The following USP7 variants were observed in gnomAD, a reference collection of about 807,000 sequenced individuals.
USP7 encodes ubiquitin C-terminal hydrolase 7.
In USP7, 9 loss-of-function variants were observed where a neutral mutation model predicts 162.9. That is an observed-to-expected ratio of 0.06 (90% CI 0.03 to 0.10). The LOEUF (loss-of-function observed/expected upper bound fraction) is 0.10. Ranked by LOEUF, USP7 falls within the 10% of genes least tolerant of loss-of-function variation. The pLI is 1.00. For synonymous variants in USP7, 562 were observed against 475.9 expected, an observed-to-expected ratio of 1.18 and a Z score of -2.35; for missense variants, 715 against 1,373.7, an observed-to-expected ratio of 0.52 and a Z score of 7.58.
chr16:8,924,805 C>T (rs1309308696), intron 2 of USP7, among the ~76,000 whole-genome samples: 1 of 152,228 alleles, frequency 6.6e-6, no homozygotes, highest in African/African-American at 2.4e-5. Context: ...TGACGGTAAG[C>T]ACTTCTACCT....
intron 22 of USP7, 94 bp from the exon 23 acceptor site, chr16:8,899,282 C>G (rs1310560136): frequency 8.0e-7 from 1 of 1,257,056 alleles, no homozygotes; most frequent in Non-Finnish European, 1.1e-6. Context: ...CCATGAGCAG[C>G]CTGAATTTAA....
chr16:8,923,127 A>T (rs1296424204), intron 3 of USP7, 88 bp downstream of exon 3: 1 of 979,948 alleles, frequency 1.0e-6, no homozygotes, highest in Non-Finnish European at 1.5e-6. Flanking sequence ...TTTAAAATCA[A>T]AAGGCTATGT....
At chr16:8,897,995 G>A (rs746508567) in intron 25 of USP7, among the ~76,000 whole-genome samples, 6 of 151,914 alleles carry the variant, frequency 3.9e-5, no homozygotes, top group Admixed American at 1.3e-4. Flanking sequence ...GGGAGTAAGC[G>A]CAGAGTCATG....
intron 2 of USP7, among the ~76,000 whole-genome samples, chr16:8,928,508 T>A (rs1898138023): frequency 6.6e-6 from 1 of 152,246 alleles, no homozygotes; most frequent in Admixed American, 6.5e-5. Flanking sequence ...TGTGCATTTT[T>A]CACAACACAC....
chr16:8,921,537 A>C (rs982225603), intron 3 of USP7, among the ~76,000 whole-genome samples: 2 of 152,218 alleles, frequency 1.3e-5, no homozygotes, highest in Admixed American at 6.5e-5. Flanking sequence ...ATTCCTTAGA[A>C]GTTGAAACAA....
intron 1 of USP7, among the ~76,000 whole-genome samples, chr16:8,931,966 T>G (rs532176659): frequency 6.6e-6 from 1 of 152,154 alleles, no homozygotes; most frequent in Non-Finnish European, 1.5e-5. Context: ...AACAGCCAGG[T>G]AGTTGTGTGT....
intron 1 of USP7, among the ~76,000 whole-genome samples, chr16:8,940,861 TTATATACAGTGTCCAGAACCTGGAA>T (rs1284060818): frequency 2.0e-5 from 3 of 152,144 alleles, no homozygotes; most frequent in African/African-American, 4.8e-5. Context: ...GGAGAATCAC[TTATATACAGTGTCCAGAACCTGGAA>T]TATATACAGT....
rs747684595 is a variant in USP7 at position 8,900,619 on chromosome 16, C to T, written c.2220G>A (p.Pro740=). The T allele has an allele frequency of 1.9e-6, 3 of 1,607,850 alleles. No homozygotes were observed. The highest frequency in any genetic ancestry group is 1.7e-5 in the Admixed American group (1 of 58,060). ...AGTCCTGAATTCTCTCTGTTAAATT[C>T]GGTTTAACTTCCTACAGTGAAAGAT... ...TSLILYEEVK[P]NLTERIQDYD... is the part of the protein sequence containing the mutation. The change falls in exon 21 of 31, where the codon CCG becomes CCA. Residue 740 remains proline, a synonymous_variant. Transcript: ENST00000344836.
intron 5 of USP7, among the ~76,000 whole-genome samples, chr16:8,919,989 T>G (rs976514930): frequency 6.6e-6 from 1 of 152,132 alleles, no homozygotes; most frequent in Non-Finnish European, 1.5e-5. Flanking sequence ...CAGTCCCCCC[T>G]TCCTCACACT....
At chr16:8,908,724 A>T (rs750294959) in intron 11 of USP7, among the ~76,000 whole-genome samples, 3 of 152,236 alleles carry the variant, frequency 2.0e-5, no homozygotes, top group Non-Finnish European at 2.9e-5. Flanking sequence ...GCAATCAGGG[A>T]AGAAATGGTT....
At chr16:8,942,062 A>G (rs1187544428) in intron 1 of USP7, among the ~76,000 whole-genome samples, 1 of 152,244 alleles carries the variant, frequency 6.6e-6, no homozygotes, top group East Asian at 1.9e-4. Context: ...CCAGAGATGG[A>G]AAAGTGCAGT....
chr16:8,902,260 G>T, intron 17 of USP7, 73 bp from the exon 18 acceptor site: 1 of 1,584,344 alleles, frequency 6.3e-7, no homozygotes, highest in Non-Finnish European at 8.6e-7. Context: ...CTACAGTCAA[G>T]TATTGAAGAA....
intron 12 of USP7, among the ~76,000 whole-genome samples, chr16:8,907,844 T>G (rs2061884800): frequency 6.6e-6 from 1 of 152,080 alleles, no homozygotes; most frequent in Non-Finnish European, 1.5e-5. Context: ...TAAATAAAAA[T>G]AAAATAACTA....
chr16:8,960,604 GT>G (rs1388240181), intron 1 of USP7, among the ~76,000 whole-genome samples: 1 of 152,192 alleles, frequency 6.6e-6, no homozygotes. Context: ...GACCCTGACA[GT>G]TTCCAGCTGC....
chr16:8,933,228 G>A (rs1033197766), intron 1 of USP7, among the ~76,000 whole-genome samples: 2 of 152,018 alleles, frequency 1.3e-5, no homozygotes, highest in Non-Finnish European at 2.9e-5. Context: ...ATGAGCCACC[G>A]CACCCAGCTC....
In USP7 at chr16:8,900,980, C is replaced by A. The variant is rs1223920197; in HGVS notation, c.2208+10G>T. The A allele has an allele frequency of 2.5e-6, 4 of 1,610,872 alleles. No homozygotes were observed. In the East Asian group the frequency reaches 6.7e-5, roughly 27 times the overall value. On this transcript the variant is annotated intron_variant, in intron 20 of 30. Coordinates refer to ENST00000344836, the MANE Select transcript of USP7 (RefSeq NM_003470.3). ...AATATACTAATTATGGAAAAATAAACCATCCAAACCTCATAGAGGATAAGG... is the reference window on the plus strand; with the variant it reads ...AATATACTAATTATGGAAAAATAAAACATCCAAACCTCATAGAGGATAAGG...
rs1596412914 is a variant in USP7 at position 8,950,778 on chromosome 16, A to G, written c.79+12429T>C. 2.0e-5 allele frequency among the ~76,000 whole-genome samples: 3 copies of G among 152,338 alleles called. No homozygotes were observed. The Middle Eastern group carries it at 0.01, about 518-fold the overall frequency. On this transcript the variant is annotated intron_variant, in intron 1 of 30. Coordinates refer to ENST00000344836, the MANE Select transcript of USP7 (RefSeq NM_003470.3). ...GGGACCCAAGGGTCACCTGGCTTAC[A>G]TGCATGTCTTCCCCAGGCACTGACC...
chr16:8,910,892 G>A (rs1293535099), intron 10 of USP7, 65 bp from the exon 11 acceptor site: 7 of 1,328,370 alleles, frequency 5.3e-6, no homozygotes, highest in African/African-American at 2.9e-5. Flanking sequence ...CAACACAGGT[G>A]TAAGTTATTT....
At chr16:8,953,302 TC>T (rs1390580494) in intron 1 of USP7, among the ~76,000 whole-genome samples, 3 of 151,990 alleles carry the variant, frequency 2.0e-5, no homozygotes, top group Non-Finnish European at 4.4e-5. Context: ...GGCAGTCCCA[TC>T]CGGGGTAGAG....
Sources: allele counts gnomAD v4.1 joint callset (sites outside exome capture counted in the v4.1 genomes callset), GRCh38; gene constraint gnomAD v4.1.1; transcripts MANE v1.5; gene names NCBI Gene and HGNC (gene_info 2026-07-23, HGNC 2026-07-21).